Variants in RALGAPA2 observed in about 807,000 individuals in gnomAD.
RALGAPA2 encodes the protein Ral GTPase activating protein catalytic subunit alpha 2, also known as ral GTPase-activating protein subunit alpha-2.
Under a neutral mutation model 230.4 loss-of-function variants are expected in RALGAPA2, and 139 were observed. The ratio of observed to expected loss-of-function variants is 0.60; its 90% CI spans 0.53 to 0.69. RALGAPA2 has a LOEUF of 0.69. Among genes scored for constraint, RALGAPA2 ranks in the 30% least tolerant of loss-of-function variants. RALGAPA2 has a pLI of 0.00. For missense variants in RALGAPA2, 2,163 were observed against 2,276.0 expected, an observed-to-expected ratio of 0.95 and a Z score of 1.01; for synonymous variants, 847 against 837.8, an observed-to-expected ratio of 1.01 and a Z score of -0.19.
At chr20:20,552,075 A>G (rs953570449) in intron 23 of RALGAPA2, among the ~76,000 whole-genome samples, 1 of 152,228 alleles carries the variant, frequency 6.6e-6, no homozygotes, top group East Asian at 1.9e-4. Context: ...CTAAAAACAA[A>G]AACATTTCAA....
intron 38 of RALGAPA2, among the ~76,000 whole-genome samples, chr20:20,409,156 G>A (rs1346862188): frequency 6.6e-6 from 1 of 152,192 alleles, no homozygotes; most frequent in Non-Finnish European, 1.5e-5. Flanking sequence ...CACCTGGATG[G>A]GGAGAGTCAG....
intron 13 of RALGAPA2, among the ~76,000 whole-genome samples, chr20:20,613,923 C>T (rs986831264): frequency 3.3e-5 from 5 of 152,306 alleles, no homozygotes; most frequent in South Asian, 2.1e-4. Flanking sequence ...CTCAGTACTT[C>T]GGAGTCTCTG....
chr20:20,675,007 C>A (rs551951883), intron 3 of RALGAPA2, among the ~76,000 whole-genome samples: 1 of 152,190 alleles, frequency 6.6e-6, no homozygotes, highest in African/African-American at 2.4e-5. Context: ...GTTATAGATT[C>A]TTTAACCATT....
At chr20:20,399,110 C>CA (rs1439683640) in intron 38 of RALGAPA2, among the ~76,000 whole-genome samples, 18 of 152,068 alleles carry the variant, frequency 1.2e-4, no homozygotes, top group African/African-American at 4.3e-4. Context: ...TTTGGGAGGC[C>CA]AAGGCGGGTG....
chr20:20,503,922 T>C (rs994527724), intron 34 of RALGAPA2, among the ~76,000 whole-genome samples: 1 of 152,202 alleles, frequency 6.6e-6, no homozygotes, highest in East Asian at 1.9e-4. Context: ...GGTACCAATA[T>C]TAAAAATATT....
In RALGAPA2 at chr20:20,389,793, C is replaced by CA. The variant is rs2059574092; in HGVS notation, c.*3495dup. On this transcript the variant is annotated 3_prime_UTR_variant, in exon 40 of 40. Coordinates refer to ENST00000202677, the MANE Select transcript of RALGAPA2 (RefSeq NM_020343.4). ...TGCACACACGTCTGCAAGGTGTTCC[C>CA]ACCACCTAGGAAGGAACCTAGATGT... 1 of 151,748 alleles carries CA rather than the reference C, an allele frequency of 6.6e-6. No homozygotes were observed. The highest frequency in any genetic ancestry group is 1.5e-5 in the Non-Finnish European group (1 of 67,950). The allele number at this position is 151,748 out of a possible 1,614,324, so 9.4% of individuals were successfully genotyped here.
intron 3 of RALGAPA2, among the ~76,000 whole-genome samples, chr20:20,664,162 T>A (rs529083376): frequency 6.6e-6 from 1 of 152,228 alleles, no homozygotes; most frequent in Non-Finnish European, 1.5e-5. Flanking sequence ...TGGACCCTGG[T>A]TGACCACGAG....
chr20:20,507,565 C>T (rs1340048895), intron 33 of RALGAPA2, among the ~76,000 whole-genome samples: 2 of 152,164 alleles, frequency 1.3e-5, no homozygotes, highest in African/African-American at 4.8e-5. Context: ...CCATGTTGGC[C>T]AGGCTGATCT....
rs144054716 is a variant in RALGAPA2, at chr20:20,704,190, T to C, written c.106+8185A>G. Reference sequence around the variant, plus strand: ...TCATCTAGCACCCCATTCCTGCTTCTTTCAAGTGGCCTTAGAGGAAGAGGT... The same window carrying C: ...TCATCTAGCACCCCATTCCTGCTTCCTTCAAGTGGCCTTAGAGGAAGAGGT... On this transcript the variant is annotated intron_variant, in intron 1 of 39. Coordinates refer to ENST00000202677, the MANE Select transcript of RALGAPA2 (RefSeq NM_020343.4). 5.0e-3 allele frequency among the ~76,000 whole-genome samples: 761 copies of C among 152,230 alleles called. 1 individual carries two copies. Among genetic ancestry groups the C allele is most frequent in the Non-Finnish European group, 9.0e-3 (612 of 68,014 alleles).
chr20:20,630,534 C>T (rs2066637621), intron 9 of RALGAPA2, among the ~76,000 whole-genome samples: 1 of 152,206 alleles, frequency 6.6e-6, no homozygotes, highest in South Asian at 2.1e-4. Flanking sequence ...GCCTTAGTTA[C>T]TAAGCCTGTG....
Position 20,620,652 on chromosome 20 carries a change from C to A in RALGAPA2, c.1234-22G>T, listed in dbSNP as rs752203245. ...ATGCCTGAAAGGAAAAGAGAAAACT[C>A]CCTTTAACTACAAACACACTCAGAT... On this transcript the variant is annotated intron_variant, in intron 10 of 39. Coordinates refer to ENST00000202677, the MANE Select transcript of RALGAPA2 (RefSeq NM_020343.4). The A allele has an allele frequency of 8.8e-6, 14 of 1,584,990 alleles. No homozygotes were observed. The Middle Eastern group carries it at 5.0e-4, about 57-fold the overall frequency.
chr20:20,687,438 G>A (rs1198750862), intron 1 of RALGAPA2, among the ~76,000 whole-genome samples: 3 of 152,152 alleles, frequency 2.0e-5, no homozygotes, highest in African/African-American at 7.2e-5. Context: ...CAACCACAGT[G>A]ATCCAGGACT....
intron 3 of RALGAPA2, among the ~76,000 whole-genome samples, chr20:20,670,737 CAGG>C (rs2068104294): frequency 6.6e-6 from 1 of 151,728 alleles, no homozygotes; most frequent in African/African-American, 2.4e-5. Context: ...CACCTGAGGT[CAGG>C]AGTTCAAGAC....
Position 20,571,493 on chromosome 20 carries a change from G to A in RALGAPA2, c.3121C>T (p.Leu1041Phe), listed in dbSNP as rs1445243770. ...CTGGTTAATCCCAGGTGCATCACAA[G>A]GTAAAAATGCACCAGGAAATCTGAG... is the stretch of plus-strand genomic sequence containing the variant. ...PNSDFLVHFYLVMHLGLTSED... is the reference protein window; with the variant it reads ...PNSDFLVHFYFVMHLGLTSED... Residue 1041 changes from leucine (L) to phenylalanine (F), a missense_variant, in exon 23 of 40, where the codon CTT becomes TTT. Physicochemically the swap from Leu to Phe is conservative, Grantham distance 22. Transcript: ENST00000202677. The A allele has an allele frequency of 1.2e-6, 2 of 1,612,754 alleles. No individual in the cohort carries two copies. The highest frequency in any genetic ancestry group is 2.2e-5 in the East Asian group (1 of 44,790).
At chr20:20,536,924 C>A in intron 24 of RALGAPA2, 140 bp from the exon 25 acceptor site, 1 of 1,013,332 alleles carries the variant, frequency 9.9e-7, no homozygotes, top group Non-Finnish European at 1.4e-6. Context: ...CATATTTAAG[C>A]AAAAGAGGTT....
intron 37 of RALGAPA2, among the ~76,000 whole-genome samples, chr20:20,420,007 T>C (rs1323883043): frequency 2.0e-5 from 3 of 152,204 alleles, no homozygotes; most frequent in Non-Finnish European, 4.4e-5. Flanking sequence ...ACTGTCATTA[T>C]GTCAGTACCA....
At chr20:20,589,166 A>G in intron 18 of RALGAPA2, 102 bp downstream of exon 18, 1 of 1,413,140 alleles carries the variant, frequency 7.1e-7, no homozygotes, top group Non-Finnish European at 9.3e-7. Context: ...TCTAAATGGA[A>G]AAAAATATTT....
In RALGAPA2 at chr20:20,584,861, T is replaced by A. The variant is rs1285410327; in HGVS notation, c.2530+4A>T. 18 of 1,595,146 alleles carry A rather than the reference T, an allele frequency of 1.1e-5. No individual in the cohort carries two copies. The highest frequency in any genetic ancestry group is 1.5e-5 in the Non-Finnish European group (18 of 1,164,156). On this transcript the variant is annotated splice_donor_region_variant and intron_variant, in intron 19 of 39. Coordinates refer to ENST00000202677, the MANE Select transcript of RALGAPA2 (RefSeq NM_020343.4). ...TGGAGGAACAGACATTTCCCGGAAC[T>A]TACTCTTCTGTCTTTCCCTACATTT...
intron 4 of RALGAPA2, among the ~76,000 whole-genome samples, chr20:20,648,170 A>T (rs2067279718): frequency 6.6e-6 from 1 of 152,260 alleles, no homozygotes; most frequent in African/African-American, 2.4e-5. Context: ...AGAAGGAATG[A>T]ACTATTAATT....
Sources: allele counts gnomAD v4.1 joint callset (sites outside exome capture counted in the v4.1 genomes callset), GRCh38; gene constraint gnomAD v4.1.1; transcripts MANE v1.5; gene names NCBI Gene and HGNC (gene_info 2026-07-23, HGNC 2026-07-21).